PHIP: variants seen among roughly 807,000 people sequenced by gnomAD.
PHIP encodes the protein PHIP subunit of CUL4-Ring ligase complex.
In PHIP, 54 loss-of-function variants were observed where a neutral mutation model predicts 236.8. The ratio of observed to expected loss-of-function variants is 0.23; its 90% CI spans 0.18 to 0.29. The LOEUF (loss-of-function observed/expected upper bound fraction) is 0.29. PHIP is among the 10% of genes least tolerant of loss of function. The pLI is 1.00. For missense variants in PHIP, 1,370 were observed against 2,190.8 expected, an observed-to-expected ratio of 0.63 and a Z score of 7.48; for synonymous variants, 756 against 718.9, an observed-to-expected ratio of 1.05 and a Z score of -0.83.
In PHIP at chr6:78,935,377, TTA is replaced by T. The variant is rs1245256838; in HGVS notation, c.*5314_*5315del. On this transcript the variant is annotated 3_prime_UTR_variant, in exon 40 of 40. Transcript: ENST00000275034. Reference sequence around the variant, plus strand: ...GGTCTTCATGCTAAAATTGGGATTCTTAGTCAATAAAAATGCATGCCAATCTG... The same window carrying T: ...GGTCTTCATGCTAAAATTGGGATTCTGTCAATAAAAATGCATGCCAATCTG... 9 of 313,192 alleles carry T rather than the reference TTA, an allele frequency of 2.9e-5. No homozygotes were observed. In the Admixed American group the frequency reaches 5.2e-4, roughly 18 times the overall value. 19.4% of individuals were successfully genotyped at this position (313,192 alleles called of 1,614,324 possible).
chr6:79,047,988 T>A (rs147761970), intron 6 of PHIP, among the ~76,000 whole-genome samples: 5,517 of 151,810 alleles, frequency 0.036, 98 homozygotes, highest in Middle Eastern at 0.058. Flanking sequence ...TATATATGGT[T>A]ATATATACAT....
At chr6:78,948,857 G>A (rs1773978529) in intron 35 of PHIP, among the ~76,000 whole-genome samples, 1 of 152,148 alleles carries the variant, frequency 6.6e-6, no homozygotes, top group African/African-American at 2.4e-5. Context: ...ACTTGACTTT[G>A]CACCATCAAG....
chr6:78,968,227 G>T (rs1227185082), intron 27 of PHIP, among the ~76,000 whole-genome samples: 6 of 152,032 alleles, frequency 3.9e-5, no homozygotes, highest in Non-Finnish European at 7.4e-5. Context: ...CCAAAACCAA[G>T]AAAAATGTTT....
chr6:79,075,670 G>A (rs1372278762), intron 4 of PHIP, among the ~76,000 whole-genome samples: 1 of 141,684 alleles, frequency 7.1e-6, no homozygotes, highest in Non-Finnish European at 1.5e-5. Context: ...ATATTCCTAC[G>A]AGGATTAGCC....
rs549747639 is a variant in PHIP at position 78,992,482 on chromosome 6, AT to A, written c.2202-1498del. 6.1e-3 allele frequency among the ~76,000 whole-genome samples: 865 copies of A among 140,816 alleles called. 4 individuals are homozygous for A. Among genetic ancestry groups the A allele is most frequent in the African/African-American group, 0.017 (646 of 38,472 alleles). The allele number at this position is 140,816 out of a possible 152,430, so 92.4% of individuals were successfully genotyped here. ...TTTTACTGTGCTTTGCAGATAGTGC[AT>A]TTTTTTTTTTCACAAGCTGCAAGTT... is the stretch of plus-strand genomic sequence containing the variant. On this transcript the variant is annotated intron_variant, in intron 19 of 39. Coordinates refer to ENST00000275034, the MANE Select transcript of PHIP (RefSeq NM_017934.7).
At chr6:78,947,223 C>T (rs1773868887) in intron 36 of PHIP, among the ~76,000 whole-genome samples, 2 of 152,152 alleles carry the variant, frequency 1.3e-5, no homozygotes, top group Non-Finnish European at 2.9e-5. Context: ...TCTATTCTTT[C>T]TCATTTCGTT....
At chr6:79,023,518 C>A (rs1771236725) in intron 9 of PHIP, among the ~76,000 whole-genome samples, 1 of 151,378 alleles carries the variant, frequency 6.6e-6, no homozygotes, top group Admixed American at 6.6e-5. Flanking sequence ...ACTTTGAAGT[C>A]CAAAAATAAA....
chr6:78,962,257 A>C (rs1766831448), intron 30 of PHIP, among the ~76,000 whole-genome samples: 1 of 152,164 alleles, frequency 6.6e-6, no homozygotes, highest in Non-Finnish European at 1.5e-5. Context: ...AGTAGAGAAA[A>C]GGAAACAGAC....
At chr6:79,034,829 A>G (rs1771849220) in intron 7 of PHIP, among the ~76,000 whole-genome samples, 1 of 152,210 alleles carries the variant, frequency 6.6e-6, no homozygotes, top group Non-Finnish European at 1.5e-5. Context: ...TGAATTCTCT[A>G]AGTGAAATCA....
chr6:78,962,961 A>T, intron 30 of PHIP, 136 bp downstream of exon 30: 1 of 674,710 alleles, frequency 1.5e-6, no homozygotes, highest in Non-Finnish European at 2.5e-6. Context: ...ACATTCAAAA[A>T]GAGATTCCAC....
At chr6:78,997,957 A>C (rs1343223960) in intron 18 of PHIP, among the ~76,000 whole-genome samples, 1 of 152,222 alleles carries the variant, frequency 6.6e-6, no homozygotes, top group Non-Finnish European at 1.5e-5. Flanking sequence ...AAAGTTTAAT[A>C]ATATACAACA....
rs1773342756 is a variant in PHIP at position 78,938,180 on chromosome 6, T to TTTA, written c.*2510_*2512dup. On this transcript the variant is annotated 3_prime_UTR_variant, in exon 40 of 40. Transcript: ENST00000275034. ...AATATATTGGTATTACTAATACATGTTTAAGTGTTTCGGTTACAAAGAATC... is the reference window on the plus strand; with the variant it reads ...AATATATTGGTATTACTAATACATGTTTATTAAGTGTTTCGGTTACAAAGAATC... 6.6e-6 allele frequency: 1 copy of TTTA among 151,644 alleles called. No individual in the cohort carries two copies. The highest frequency in any genetic ancestry group is 2.4e-5 in the African/African-American group (1 of 41,424). The allele number at this position is 151,644 out of a possible 1,614,324, so 9.4% of individuals were successfully genotyped here. A position where few individuals can be genotyped will look rare whatever the true frequency, so the allele number is the denominator to read the frequency against.
At chr6:79,058,199 TTC>T (rs1773171370) in intron 6 of PHIP, among the ~76,000 whole-genome samples, 2 of 152,082 alleles carry the variant, frequency 1.3e-5, no homozygotes, top group Admixed American at 6.6e-5. Flanking sequence ...TGGCAATTAA[TTC>T]TGTTACCTAA....
chr6:78,964,387 T>C (rs962278243), intron 29 of PHIP, among the ~76,000 whole-genome samples: 2 of 152,238 alleles, frequency 1.3e-5, no homozygotes, highest in Non-Finnish European at 2.9e-5. Context: ...CAATAACTAC[T>C]GAGCAACTCA....
chr6:79,034,883 A>G (rs915579989), intron 7 of PHIP, among the ~76,000 whole-genome samples: 12 of 152,204 alleles, frequency 7.9e-5, no homozygotes, highest in African/African-American at 2.9e-4. Flanking sequence ...ATTGATTAAC[A>G]CTGAATGACT....
intron 7 of PHIP, among the ~76,000 whole-genome samples, chr6:79,041,642 G>A (rs983309164): frequency 6.6e-6 from 1 of 151,918 alleles, no homozygotes; most frequent in East Asian, 1.9e-4. Context: ...AACTTGAATG[G>A]CTAAATTAAT....
chr6:78,940,786 C>A lies in PHIP; in HGVS notation c.5373G>T (p.Leu1791Phe). 2.5e-6 allele frequency: 4 copies of A among 1,613,860 alleles called. No individual in the cohort carries two copies. The highest frequency in any genetic ancestry group is 3.4e-6 in the Non-Finnish European group (4 of 1,179,844). Residue 1791 changes from leucine (L) to phenylalanine (F), a missense_variant, in exon 40 of 40, where the codon TTG (leucine) becomes TTT (phenylalanine). Coordinates refer to ENST00000275034, the MANE Select transcript of PHIP (RefSeq NM_017934.7). ...CAAAAGTTAAAGAGGTGTCTTCGAA[C>A]AACAGCTGCCTTTGCTCCTCTTCAG... is the stretch of plus-strand genomic sequence containing the variant. The part of the protein sequence containing the change: ...DDSEEEQRQL[L>F]FEDTSLTFGT...
At chr6:79,003,584 C>T in intron 16 of PHIP, 146 bp downstream of exon 16, 2 of 468,920 alleles carry the variant, frequency 4.3e-6, no homozygotes, top group Non-Finnish European at 7.3e-6. Context: ...CTTTCCGAAA[C>T]TAAGTCTCCA....
intron 7 of PHIP, among the ~76,000 whole-genome samples, chr6:79,038,155 T>A (rs1370253301): frequency 6.6e-6 from 1 of 152,260 alleles, no homozygotes; most frequent in African/African-American, 2.4e-5. Context: ...GGTCTTAGTC[T>A]GTTGGAGCTG....
Sources: gnomAD v4.1 joint callset for allele counts (sites outside exome capture counted in the v4.1 genomes callset) on GRCh38, gnomAD v4.1.1 for gene constraint, MANE v1.5 for transcripts, NCBI Gene and HGNC (gene_info 2026-07-23, HGNC 2026-07-21) for gene names.